CCDC39: variants seen among roughly 807,000 people sequenced by gnomAD.
CCDC39 encodes the protein coiled-coil domain-containing protein 39.
Under a neutral mutation model 121.0 loss-of-function variants are expected in CCDC39, and 113 were observed. The ratio of observed to expected loss-of-function variants is 0.93; its 90% CI spans 0.80 to 1.09. The LOEUF is 1.09. Ranked by LOEUF, CCDC39 falls within the 50% of genes least tolerant of loss-of-function variation. The pLI, the probability that CCDC39 is intolerant of heterozygous loss-of-function variation, is 0.00. For synonymous variants in CCDC39, 349 were observed against 352.2 expected, an observed-to-expected ratio of 0.99 and a Z score of 0.10; for missense variants, 1,063 against 1,074.7, an observed-to-expected ratio of 0.99 and a Z score of 0.15.
At chr3:180,662,050 G>A in intron 2 of CCDC39, 43 bp from the exon 3 acceptor site, 1 of 1,485,852 alleles carries the variant, frequency 6.7e-7, no homozygotes, top group Non-Finnish European at 9.0e-7. Flanking sequence ...TAAAATTTTA[G>A]AAATTTTGAA....
intron 13 of CCDC39, among the ~76,000 whole-genome samples, chr3:180,637,077 A>G (rs1301864414): frequency 2.0e-5 from 3 of 152,234 alleles, no homozygotes; most frequent in Non-Finnish European, 4.4e-5. Context: ...AAAGTGATAA[A>G]TGGGATCTAA....
rs1249407774 is a variant in CCDC39 at position 180,614,367 on chromosome 3, T to G, written c.*554A>C. On this transcript the variant is annotated 3_prime_UTR_variant, in exon 20 of 20. Transcript: ENST00000476379. ...TGATATACAGTGTTTCTCTTACCGG[T>G]TTTTTTTTGGGGGGGTGGGGTGGGT... The G allele has an allele frequency of 1.4e-5, 2 of 143,810 alleles. No homozygotes were observed. The highest frequency in any genetic ancestry group is 3.1e-5 in the Non-Finnish European group (2 of 65,462). 8.9% of individuals were successfully genotyped at this position (143,810 alleles called of 1,614,324 possible). A position where few individuals can be genotyped will look rare whatever the true frequency, so the allele number is the denominator to read the frequency against.
At chr3:180,662,095 A>G (rs1711756969) in intron 2 of CCDC39, 88 bp from the exon 3 acceptor site, 4 of 1,301,880 alleles carry the variant, frequency 3.1e-6, no homozygotes, top group Non-Finnish European at 4.2e-6. Context: ...AGATTAAAAC[A>G]AAGTTCCCAT....
intron 1 of CCDC39, among the ~76,000 whole-genome samples, chr3:180,667,166 A>C (rs1711899722): frequency 6.6e-6 from 1 of 152,190 alleles, no homozygotes; most frequent in Admixed American, 6.5e-5. Flanking sequence ...TTCAACTTAG[A>C]GTCTTCTACC....
chr3:180,647,155 A>T lies in CCDC39; in HGVS notation c.1451T>A (p.Ile484Asn). The change falls in exon 11 of 20, where the codon ATT becomes AAT. Residue 484 changes from isoleucine to asparagine, a missense_variant. Transcript: ENST00000476379. Reference protein sequence around the residue: ...SEEKQALEAKIVELRKSLEEK... With the variant: ...SEEKQALEAKNVELRKSLEEK... ...TTCCAAAGACTTCCTAAGTTCAACA[A>T]TTTTTGCTTCAAGCGCTTGTTTTTC... The T allele has an allele frequency of 6.2e-7, 1 of 1,612,076 alleles. No homozygotes were observed. Among genetic ancestry groups the T allele is most frequent in the Non-Finnish European group, 8.5e-7 (1 of 1,179,174 alleles).
chr3:180,653,419 C>A (rs1414035775), intron 7 of CCDC39, among the ~76,000 whole-genome samples: 10 of 152,114 alleles, frequency 6.6e-5, no homozygotes. Context: ...CTTTATCTCC[C>A]TAGATATGCC....
chr3:180,645,262 G>A (rs2108420531), intron 11 of CCDC39, among the ~76,000 whole-genome samples: 1 of 152,166 alleles, frequency 6.6e-6, no homozygotes, highest in African/African-American at 2.4e-5. Flanking sequence ...ATCACATATT[G>A]CTAAAGAGAA....
intron 17 of CCDC39, 39 bp from the exon 18 acceptor site, chr3:180,616,734 T>C: frequency 6.4e-7 from 1 of 1,571,122 alleles, no homozygotes; most frequent in Non-Finnish European, 8.7e-7. Flanking sequence ...ATAAACGTGT[T>C]TACCAGAATT....
At chr3:180,630,818 A>G (rs1717673636) in intron 14 of CCDC39, among the ~76,000 whole-genome samples, 1 of 152,192 alleles carries the variant, frequency 6.6e-6, no homozygotes, top group South Asian at 2.1e-4. Context: ...CTGTCTCCCT[A>G]TAATATCATA....
intron 13 of CCDC39, among the ~76,000 whole-genome samples, chr3:180,636,970 A>G (rs1717844759): frequency 1.3e-5 from 2 of 152,204 alleles, no homozygotes; most frequent in South Asian, 4.1e-4. Flanking sequence ...TCAAAACTAT[A>G]AAAACCCAGA....
rs1224728422 is a variant in CCDC39, at chr3:180,659,477, TCC to T, written c.711_712del (p.Asp238TrpfsTer5). 6.2e-7 allele frequency: 1 copy of T among 1,613,422 alleles called. No individual in the cohort carries two copies. The highest frequency in any genetic ancestry group is 1.3e-5 in the African/African-American group (1 of 74,932). On this transcript the variant is annotated frameshift_variant, in exon 6 of 20. Transcript: ENST00000476379. LOFTEE classifies it high-confidence loss of function. ...CAAAGCACAGTTATCTATGTCTCCA[TCC>T]CTCTTCTGCATCTGTTCTATTGTGT...
chr3:180,667,577 C>G (rs955542785), intron 1 of CCDC39, among the ~76,000 whole-genome samples: 1 of 152,142 alleles, frequency 6.6e-6, no homozygotes, highest in Non-Finnish European at 1.5e-5. Context: ...CAAACCGTGC[C>G]TCTCTAAGAC....
In CCDC39 at chr3:180,665,999, T is replaced by A. The variant is rs796155550; in HGVS notation, c.91-2013A>T. Among the ~76,000 whole-genome samples the A allele has an allele frequency of 3.3e-4, 51 of 152,290 alleles. 2 individuals are homozygous for A. Among genetic ancestry groups the A allele is most frequent in the African/African-American group, 1.2e-3 (51 of 41,576 alleles). On this transcript the variant is annotated intron_variant, in intron 1 of 19. Transcript: ENST00000476379. The stretch of plus-strand genomic sequence containing the variant: ...ACATAAAATATTCCATTTTAACCAT[T>A]GCTATGTGTACAGTTCAGTGGCAAT...
intron 14 of CCDC39, among the ~76,000 whole-genome samples, chr3:180,621,377 C>T (rs1317677788): frequency 6.6e-6 from 1 of 152,086 alleles, no homozygotes; most frequent in Non-Finnish European, 1.5e-5. Flanking sequence ...TACATTCCCA[C>T]CAACAGTGTA....
intron 13 of CCDC39, among the ~76,000 whole-genome samples, chr3:180,638,517 TA>T (rs1717884315): frequency 6.6e-6 from 1 of 152,214 alleles, no homozygotes; most frequent in South Asian, 2.1e-4. Flanking sequence ...AACACATACG[TA>T]ATTTTAAATT....
At chr3:180,658,976 T>A (rs1161134636) in intron 6 of CCDC39, among the ~76,000 whole-genome samples, 1 of 152,212 alleles carries the variant, frequency 6.6e-6, no homozygotes, top group Non-Finnish European at 1.5e-5. Flanking sequence ...CAGTGCAGTA[T>A]TCCCCGCTTC....
chr3:180,661,808 T>C, intron 3 of CCDC39, 53 bp downstream of exon 3: 1 of 1,468,212 alleles, frequency 6.8e-7, no homozygotes, highest in Non-Finnish European at 9.3e-7. Flanking sequence ...GCTCATTTGG[T>C]GATGGAAGAA....
Position 180,652,238 on chromosome 3 carries a change from C to T in CCDC39, c.959G>A (p.Arg320Lys). 3 of 1,533,344 alleles carry T rather than the reference C, an allele frequency of 2.0e-6. No homozygotes were observed. Among genetic ancestry groups the T allele is most frequent in the African/African-American group, 1.4e-5 (1 of 72,350 alleles). The allele number at this position is 1,533,344 out of a possible 1,614,324, so 95.0% of individuals were successfully genotyped here. A position where few individuals can be genotyped will look rare whatever the true frequency, so the allele number is the denominator to read the frequency against. ...ELDSLKATVNRTSSDLEALRK... is the reference protein window; with the variant it reads ...ELDSLKATVNKTSSDLEALRK... ...CAGAGCTTCTAAATCACTGGAAGTT[C>T]TATTCACAGTGGCTTTTAAAGAATC... Residue 320 changes from arginine to lysine, a missense_variant, in exon 8 of 20, where the codon AGA becomes AAA. Physicochemically the swap from Arg to Lys is conservative, Grantham distance 26. Coordinates refer to ENST00000476379, the MANE Select transcript of CCDC39 (RefSeq NM_181426.2).
Position 180,619,971 on chromosome 3 carries a change from C to G in CCDC39, c.1999-1G>C. On this transcript the variant is annotated splice_acceptor_variant, in intron 14 of 19. Coordinates refer to ENST00000476379, the MANE Select transcript of CCDC39 (RefSeq NM_181426.2). LOFTEE classifies it high-confidence loss of function. ...GAAGTTCTTCTTTTTCTTGAGCAGC[C>G]TATGAAGTACAGAATAGAACTGGTT... 6.3e-7 allele frequency: 1 copy of G among 1,599,588 alleles called. No homozygotes were observed. The highest frequency in any genetic ancestry group is 2.2e-5 in the East Asian group (1 of 44,550).
Sources: allele counts gnomAD v4.1 joint callset (sites outside exome capture counted in the v4.1 genomes callset), GRCh38; gene constraint gnomAD v4.1.1; transcripts MANE v1.5; gene names NCBI Gene and HGNC (gene_info 2026-07-23, HGNC 2026-07-21).